Variants in DIP2C observed in about 807,000 individuals in gnomAD.
DIP2C encodes the protein DIP2 acetate--CoA ligase C (putative).
A neutral mutation model predicts 192.4 loss-of-function variants in DIP2C; 33 were observed. The ratio of observed to expected loss-of-function variants is 0.17; its 90% CI spans 0.13 to 0.23. The LOEUF (loss-of-function observed/expected upper bound fraction) is 0.23, where lower values mean the gene tolerates loss of function less well. DIP2C is among the 10% of genes least tolerant of loss of function. The pLI is 1.00. For synonymous variants in DIP2C, 979 were observed against 864.1 expected (o/e 1.13, Z -2.33); for missense variants, 1,537 against 2,110.1 (o/e 0.73, Z 5.32).
At chr10:471,301 G>A (rs1320152845) in intron 3 of DIP2C, among the ~76,000 whole-genome samples, 1 of 152,066 alleles carries the variant, frequency 6.6e-6, no homozygotes, top group Non-Finnish European at 1.5e-5. Context: ...AGCAGAGCCA[G>A]GAGGCCAGGC....
chr10:661,970 C>T (rs1856788136), intron 1 of DIP2C: 19 of 705,022 alleles, frequency 2.7e-5, no homozygotes, highest in South Asian at 3.0e-5. Flanking sequence ...GGCACTGAAT[C>T]GCTCAGCTCA....
At chr10:519,311 G>A (rs1046444594) in intron 1 of DIP2C, among the ~76,000 whole-genome samples, 1 of 152,240 alleles carries the variant, frequency 6.6e-6, no homozygotes, top group Non-Finnish European at 1.5e-5. Context: ...GGATGAGGTG[G>A]ATGCCATGGA....
At chr10:583,661 A>G (rs1297518720) in intron 1 of DIP2C, among the ~76,000 whole-genome samples, 2 of 152,220 alleles carry the variant, frequency 1.3e-5, no homozygotes, top group African/African-American at 4.8e-5. Flanking sequence ...CACGCCAAGC[A>G]GCTCTCAGCC....
intron 8 of DIP2C, among the ~76,000 whole-genome samples, chr10:411,215 G>C (rs1286846489): frequency 6.6e-6 from 1 of 152,194 alleles, no homozygotes; most frequent in Non-Finnish European, 1.5e-5. Context: ...AAAGGGAGAT[G>C]AGCATGAGCA....
intron 32 of DIP2C, among the ~76,000 whole-genome samples, chr10:308,633 T>C (rs367984861): frequency 8.5e-5 from 13 of 152,374 alleles, no homozygotes; most frequent in African/African-American, 2.6e-4. Flanking sequence ...TTTCTAAGTG[T>C]TCCAGACTGA....
intron 25 of DIP2C, 130 bp from the exon 26 acceptor site, chr10:348,892 C>A: frequency 1.5e-6 from 2 of 1,375,706 alleles, no homozygotes; most frequent in South Asian, 1.3e-5. Flanking sequence ...TCACAGCCTC[C>A]GTCATCCTGG....
chr10:541,305 C>T (rs1195954399), intron 1 of DIP2C, among the ~76,000 whole-genome samples: 3 of 152,172 alleles, frequency 2.0e-5, no homozygotes, highest in African/African-American at 7.2e-5. Context: ...GGTTAAATGT[C>T]AAAGCACAGA....
chr10:582,880 G>T (rs1850756100), intron 1 of DIP2C, among the ~76,000 whole-genome samples: 1 of 152,156 alleles, frequency 6.6e-6, no homozygotes, highest in Admixed American at 6.5e-5. Flanking sequence ...CTATGATATA[G>T]TCTCAAAACA....
intron 1 of DIP2C, among the ~76,000 whole-genome samples, chr10:568,629 G>A (rs1292430776): frequency 6.6e-6 from 1 of 151,708 alleles, no homozygotes; most frequent in Non-Finnish European, 1.5e-5. Flanking sequence ...AGCCAGGCAT[G>A]GTGGCACGCG....
At chr10:475,504 C>T (rs1970987095) in intron 2 of DIP2C, among the ~76,000 whole-genome samples, 2 of 152,174 alleles carry the variant, frequency 1.3e-5, no homozygotes, top group South Asian at 4.1e-4. Flanking sequence ...CCTCTTGGTG[C>T]CCATGGACGA....
chr10:577,836 T>TTA (rs1044724761), intron 1 of DIP2C, among the ~76,000 whole-genome samples: 11 of 151,606 alleles, frequency 7.3e-5, no homozygotes, highest in African/African-American at 1.7e-4. Context: ...TTTTTTTTTT[T>TTA]AACCACAAAA....
chr10:436,965 T>C (rs1967290908), intron 4 of DIP2C, among the ~76,000 whole-genome samples: 1 of 125,234 alleles, frequency 8.0e-6, no homozygotes, highest in African/African-American at 3.1e-5. Flanking sequence ...CTGAGCTCTC[T>C]CCGAGCTCCG....
chr10:377,030 T>C lies in DIP2C; in HGVS notation c.1991+5617A>G, dbSNP rs144667516. 6.4e-3 allele frequency among the ~76,000 whole-genome samples: 973 copies of C among 152,276 alleles called. 10 individuals carry two copies. The highest frequency in any genetic ancestry group is 0.022 in the African/African-American group (911 of 41,548). ...GTTGATTTAATGTAATATTCTTCCTTTTCTCTAACAGGAGCAATGCATGCC... is the reference window on the plus strand; with the variant it reads ...GTTGATTTAATGTAATATTCTTCCTCTTCTCTAACAGGAGCAATGCATGCC... On this transcript the variant is annotated intron_variant, in intron 17 of 36. Coordinates refer to ENST00000280886, the MANE Select transcript of DIP2C (RefSeq NM_014974.3).
At chr10:412,523 T>C (rs1965253695) in intron 8 of DIP2C, among the ~76,000 whole-genome samples, 1 of 152,228 alleles carries the variant, frequency 6.6e-6, no homozygotes, top group African/African-American at 2.4e-5. Context: ...TGCTTCATCA[T>C]GGATGCCACA....
intron 26 of DIP2C, 37 bp from the exon 27 acceptor site, chr10:345,147 G>C (rs754772216): frequency 1.3e-6 from 2 of 1,579,204 alleles, no homozygotes; most frequent in Non-Finnish European, 8.6e-7. Context: ...CATGAACGTG[G>C]ACCCAGATGA....
chr10:515,162 A>T (rs1041702800), intron 1 of DIP2C, among the ~76,000 whole-genome samples: 1 of 152,222 alleles, frequency 6.6e-6, no homozygotes, highest in Admixed American at 6.5e-5. Context: ...TTGGTTCTTT[A>T]AAGTGTTACA....
Position 277,012 on chromosome 10 carries a change from T to A in DIP2C, c.*313A>T. On this transcript the variant is annotated 3_prime_UTR_variant, in exon 37 of 37. Transcript: ENST00000280886. Reference sequence around the variant, plus strand: ...TTTCGGCTTAACAAAATACCACATTTACGAAGAAAGCACTTATTATCCAAT... The same window carrying A: ...TTTCGGCTTAACAAAATACCACATTAACGAAGAAAGCACTTATTATCCAAT... The A allele has an allele frequency of 3.7e-6, 1 of 271,344 alleles. No individual in the cohort carries two copies. The highest frequency in any genetic ancestry group is 7.0e-6 in the Non-Finnish European group (1 of 142,540). The allele number at this position is 271,344 out of a possible 1,614,324, so 16.8% of individuals were successfully genotyped here.
intron 18 of DIP2C, among the ~76,000 whole-genome samples, chr10:369,021 G>A (rs1337770917): frequency 2.0e-5 from 3 of 152,240 alleles, no homozygotes; most frequent in Non-Finnish European, 4.4e-5. Flanking sequence ...TGTGGAAAAG[G>A]CTTCTGAGAC....
intron 4 of DIP2C, among the ~76,000 whole-genome samples, chr10:424,855 A>G (rs1215451631): frequency 5.9e-5 from 9 of 152,256 alleles, no homozygotes; most frequent in Admixed American, 3.9e-4. Flanking sequence ...CCTGAAGGAT[A>G]ATATGATATA....
Sources: gnomAD v4.1 joint callset for allele counts (sites outside exome capture counted in the v4.1 genomes callset) on GRCh38, gnomAD v4.1.1 for gene constraint, MANE v1.5 for transcripts, NCBI Gene and HGNC (gene_info 2026-07-23, HGNC 2026-07-21) for gene names.